The following PTPN4 variants were observed in gnomAD, a reference collection of about 807,000 sequenced individuals.
PTPN4 encodes the protein protein tyrosine phosphatase non-receptor type 4.
A neutral mutation model predicts 135.5 loss-of-function variants in PTPN4; 49 were observed. The observed-to-expected ratio is 0.36, with a 90% CI of 0.29 to 0.46. The LOEUF (loss-of-function observed/expected upper bound fraction) is 0.46. Ranked by LOEUF, PTPN4 falls within the 20% of genes least tolerant of loss-of-function variation. The pLI is 1.00. For synonymous variants in PTPN4, 333 were observed against 369.9 expected, an observed-to-expected ratio of 0.90 and a Z score of 1.14; for missense variants, 860 against 1,101.0, an observed-to-expected ratio of 0.78 and a Z score of 3.10.
At chr2:119,938,152 A>G (rs577210803) in intron 15 of PTPN4, among the ~76,000 whole-genome samples, 58 of 144,804 alleles carry the variant, frequency 4.0e-4, no homozygotes, top group Admixed American at 1.2e-3. Flanking sequence ...TTTTGAGACA[A>G]AGTCTCACTC....
At chr2:119,768,606 GC>G (rs1347210339) in intron 1 of PTPN4, among the ~76,000 whole-genome samples, 4 of 152,132 alleles carry the variant, frequency 2.6e-5, no homozygotes, top group Non-Finnish European at 5.9e-5. Flanking sequence ...CTCTTCTCCA[GC>G]AGTGATAAAT....
intron 15 of PTPN4, 80 bp from the exon 16 acceptor site, chr2:119,945,001 A>G: frequency 1.5e-6 from 2 of 1,315,082 alleles, no homozygotes; most frequent in South Asian, 1.5e-5. Flanking sequence ...CTCCTACCAG[A>G]CATTGTAAAT....
intron 10 of PTPN4, among the ~76,000 whole-genome samples, chr2:119,909,939 A>G (rs1009490655): frequency 1.3e-5 from 2 of 152,180 alleles, no homozygotes; most frequent in Non-Finnish European, 2.9e-5. Context: ...TAAAACTTGA[A>G]TAGATGAGGA....
At chr2:119,867,840 A>G (rs1332398812) in intron 3 of PTPN4, among the ~76,000 whole-genome samples, 1 of 152,212 alleles carries the variant, frequency 6.6e-6, no homozygotes, top group Non-Finnish European at 1.5e-5. Flanking sequence ...TTTTCTGTGT[A>G]AATAATCATG....
At chr2:119,874,644 G>A (rs935073894) in intron 3 of PTPN4, among the ~76,000 whole-genome samples, 1 of 152,118 alleles carries the variant, frequency 6.6e-6, no homozygotes, top group Non-Finnish European at 1.5e-5. Flanking sequence ...CTGCGAATAG[G>A]TACAAGATTA....
At chr2:119,933,610 T>C (rs887365338) in intron 14 of PTPN4, among the ~76,000 whole-genome samples, 4 of 149,356 alleles carry the variant, frequency 2.7e-5, no homozygotes, top group African/African-American at 9.9e-5. Flanking sequence ...GGTTGCAGAG[T>C]TGAGATCACA....
At chr2:119,934,692 C>A in intron 14 of PTPN4, 108 bp from the exon 15 acceptor site, 1 of 1,118,196 alleles carries the variant, frequency 8.9e-7, no homozygotes, top group Non-Finnish European at 1.3e-6. Flanking sequence ...GTCAACATGG[C>A]TTGACTTAAA....
intron 15 of PTPN4, among the ~76,000 whole-genome samples, chr2:119,940,446 T>C (rs905834833): frequency 6.6e-6 from 1 of 152,192 alleles, no homozygotes; most frequent in Non-Finnish European, 1.5e-5. Flanking sequence ...ATCTACATCT[T>C]AGAAAATAAG....
chr2:119,825,718 A>ACTCCT (rs958027038), intron 2 of PTPN4, among the ~76,000 whole-genome samples: 3 of 151,712 alleles, frequency 2.0e-5, no homozygotes, highest in African/African-American at 7.3e-5. Context: ...TTGGTCTCGA[A>ACTCCT]CTCCTGACCT....
intron 1 of PTPN4, among the ~76,000 whole-genome samples, chr2:119,766,449 C>CGCGT (rs1209819421): frequency 1.9e-4 from 25 of 130,996 alleles, no homozygotes; most frequent in African/African-American, 7.6e-4. Context: ...CATGTGCGCG[C>CGCGT]GTGTGTGTGT....
chr2:119,953,276 A>C (rs991016389), intron 19 of PTPN4, among the ~76,000 whole-genome samples: 3 of 152,232 alleles, frequency 2.0e-5, no homozygotes, highest in African/African-American at 7.2e-5. Flanking sequence ...TACCATAGGA[A>C]AGTGAAATAT....
intron 9 of PTPN4, among the ~76,000 whole-genome samples, chr2:119,888,457 G>T (rs1161745045): frequency 6.6e-6 from 1 of 151,970 alleles, no homozygotes; most frequent in Non-Finnish European, 1.5e-5. Context: ...ACTTTTCTGT[G>T]TTCAGTATGA....
rs528480023 is a variant in PTPN4 at position 119,876,936 on chromosome 2, T to C, written c.247-387T>C. 3.9e-3 allele frequency among the ~76,000 whole-genome samples: 567 copies of C among 146,228 alleles called. 5 individuals are homozygous for C. The highest frequency in any genetic ancestry group is 0.014 in the African/African-American group (541 of 37,790). ...GTGTGTGTGTGTGTGTGTGTGTGTG[T>C]GTGTGCGTGAAGGGTGAAGAGAATT... is the stretch of plus-strand genomic sequence containing the variant. On this transcript the variant is annotated intron_variant, in intron 3 of 26. Coordinates refer to ENST00000263708, the MANE Select transcript of PTPN4 (RefSeq NM_002830.4).
chr2:119,867,219 T>C (rs917418953), intron 3 of PTPN4, among the ~76,000 whole-genome samples: 5 of 152,208 alleles, frequency 3.3e-5, no homozygotes, highest in Admixed American at 2.0e-4. Flanking sequence ...TTTATATGAC[T>C]AAACACAAGA....
chr2:119,942,387 G>C (rs72952807), intron 15 of PTPN4, among the ~76,000 whole-genome samples: 1 of 152,098 alleles, frequency 6.6e-6, no homozygotes, highest in Non-Finnish European at 1.5e-5. Flanking sequence ...TGCTGATCAG[G>C]CTTGAGTTTC....
intron 9 of PTPN4, among the ~76,000 whole-genome samples, chr2:119,893,540 G>T (rs181078713): frequency 2.6e-5 from 4 of 152,160 alleles, no homozygotes; most frequent in Admixed American, 2.0e-4. Context: ...AATTGTTAGC[G>T]TATAGTTAAT....
In PTPN4 at chr2:119,893,922, G is replaced by C. The variant is rs113104426; in HGVS notation, c.676-6796G>C. On this transcript the variant is annotated intron_variant, in intron 9 of 26. Transcript: ENST00000263708. ...AGAATATGAAAAAAAAAACAAAAAC[G>C]GAGAACAGTAATTTTGAGGGCTTTT... Among the ~76,000 whole-genome samples, 458 of 152,034 alleles carry C rather than the reference G, an allele frequency of 3.0e-3. 2 individuals carry two copies. The highest frequency in any genetic ancestry group is 9.2e-3 in the African/African-American group (383 of 41,490).
intron 26 of PTPN4, among the ~76,000 whole-genome samples, chr2:119,972,952 G>A (rs1360396698): frequency 6.6e-6 from 1 of 151,946 alleles, no homozygotes; most frequent in Non-Finnish European, 1.5e-5. Context: ...TGATTTGCTA[G>A]CATTTTCTTG....
intron 1 of PTPN4, among the ~76,000 whole-genome samples, chr2:119,766,484 C>CTG (rs113673836): frequency 0.028 from 2,865 of 103,714 alleles, 30 homozygotes; most frequent in African/African-American, 0.038. Context: ...GTGTGTGTGT[C>CTG]TGTGTGTGTG....
Sources: allele counts gnomAD v4.1 joint callset (sites outside exome capture counted in the v4.1 genomes callset), GRCh38; gene constraint gnomAD v4.1.1; transcripts MANE v1.5; gene names NCBI Gene and HGNC (gene_info 2026-07-23, HGNC 2026-07-21).